The following PLD5 variants were observed in gnomAD, a reference collection of about 807,000 sequenced individuals.
The protein encoded by PLD5 is phospholipase D family member 5.
A neutral mutation model predicts 61.1 loss-of-function variants in PLD5; 36 were observed. The observed-to-expected ratio is 0.59, with a 90% CI of 0.45 to 0.78. The LOEUF (loss-of-function observed/expected upper bound fraction) is 0.78, where lower values mean the gene tolerates loss of function less well. Among genes scored for constraint, PLD5 ranks in the 30% least tolerant of loss-of-function variants. The probability of loss-of-function intolerance (pLI) is 0.00; values close to 1 mark genes in which losing one functional copy is unlikely to be tolerated. For synonymous variants in PLD5, 243 were observed against 242.8 expected (o/e 1.00, Z -0.01); for missense variants, 515 against 644.4 (o/e 0.80, Z 2.17).
intron 5 of PLD5, among the ~76,000 whole-genome samples, chr1:242,129,747 A>G (rs1276189663): frequency 6.6e-6 from 1 of 152,184 alleles, no homozygotes; most frequent in African/African-American, 2.4e-5. Flanking sequence ...CATCACCTGG[A>G]TAGTATACAT....
chr1:242,173,456 G>A (rs566676504), intron 5 of PLD5, among the ~76,000 whole-genome samples: 88 of 152,186 alleles, frequency 5.8e-4, no homozygotes, highest in South Asian at 4.8e-3. Flanking sequence ...AATCAATATC[G>A]TGAAAATGGC....
At chr1:242,512,490 TCA>T (rs1222806898) in intron 1 of PLD5, among the ~76,000 whole-genome samples, 1 of 151,570 alleles carries the variant, frequency 6.6e-6, no homozygotes, top group Non-Finnish European at 1.5e-5. Context: ...CCGTCTCTGA[TCA>T]AGTGCACTCA....
chr1:242,427,827 T>G (rs1411706382), intron 1 of PLD5, among the ~76,000 whole-genome samples: 1 of 152,156 alleles, frequency 6.6e-6, no homozygotes, highest in East Asian at 1.9e-4. Flanking sequence ...ACAGCTGTCT[T>G]TTTCCCCATT....
intron 5 of PLD5, among the ~76,000 whole-genome samples, chr1:242,204,167 C>G (rs907036833): frequency 3.3e-5 from 5 of 151,636 alleles, no homozygotes; most frequent in African/African-American, 1.2e-4. Flanking sequence ...GGCGTGAACC[C>G]AGGAGGCGAA....
chr1:242,170,178 T>C (rs397486), intron 5 of PLD5, among the ~76,000 whole-genome samples: 1 of 151,718 alleles, frequency 6.6e-6, no homozygotes, highest in Admixed American at 6.6e-5. Context: ...CCTCATGCAT[T>C]AGAGCTCCAA....
chr1:242,431,185 T>G (rs532641019), intron 1 of PLD5, among the ~76,000 whole-genome samples: 51 of 152,338 alleles, frequency 3.3e-4, no homozygotes, highest in African/African-American at 1.2e-3. Flanking sequence ...CATTTTGTCA[T>G]GCAAAACTGG....
intron 2 of PLD5, among the ~76,000 whole-genome samples, chr1:242,315,185 A>C (rs1385415759): frequency 2.0e-5 from 3 of 152,170 alleles, no homozygotes; most frequent in Non-Finnish European, 4.4e-5. Context: ...GGCTTTTAAC[A>C]GAGAAAACAA....
chr1:242,490,394 G>C (rs1668106346), intron 1 of PLD5, among the ~76,000 whole-genome samples: 1 of 152,088 alleles, frequency 6.6e-6, no homozygotes, highest in Non-Finnish European at 1.5e-5. Flanking sequence ...TAATTGTATT[G>C]TAATTATGTG....
chr1:242,323,241 G>A (rs112703118), intron 2 of PLD5, among the ~76,000 whole-genome samples: 16 of 152,266 alleles, frequency 1.1e-4, no homozygotes, highest in African/African-American at 3.6e-4. Flanking sequence ...GCTGATATTT[G>A]TATCATAAAA....
chr1:242,395,266 C>G (rs1663504190), intron 1 of PLD5, among the ~76,000 whole-genome samples: 1 of 151,858 alleles, frequency 6.6e-6, no homozygotes, highest in Non-Finnish European at 1.5e-5. Context: ...TGCAACTTGA[C>G]ACTTAGGTAC....
At chr1:242,448,273 T>C (rs961919044) in intron 1 of PLD5, among the ~76,000 whole-genome samples, 1 of 152,160 alleles carries the variant, frequency 6.6e-6, no homozygotes, top group Non-Finnish European at 1.5e-5. Context: ...TTCTCATAGA[T>C]CTGGTTTCCA....
At position 242,339,190 on chromosome 1, in the gene PLD5, C is replaced by A. The variant is rs191186042; in HGVS notation, c.326+8916G>T. ...ATTCTTTAATTTATACTTGTATTTT[C>A]ATGGAAACTATCACCCACTTAAAAA... is the stretch of plus-strand genomic sequence containing the variant. On this transcript the variant is annotated intron_variant, in intron 2 of 9. Transcript: ENST00000536534. Among the ~76,000 whole-genome samples the A allele has an allele frequency of 4.7e-4, 72 of 152,018 alleles. 1 individual carries two copies. The highest frequency in any genetic ancestry group is 1.6e-3 in the African/African-American group (67 of 41,376).
At chr1:242,180,433 G>A (rs1667447271) in intron 5 of PLD5, among the ~76,000 whole-genome samples, 1 of 151,932 alleles carries the variant, frequency 6.6e-6, no homozygotes, top group African/African-American at 2.4e-5. Flanking sequence ...TTCCCTCCCT[G>A]TGGTATCAAT....
chr1:242,256,874 T>TC lies in PLD5; in HGVS notation c.607+8462dup, dbSNP rs1475929033. Reference sequence around the variant, plus strand: ...CTGCCATCTATCTTCCTATCTTCTTTCTTTTCTCTCCCTCTTCTTTCTCTT... The same window carrying TC: ...CTGCCATCTATCTTCCTATCTTCTTTCCTTTTCTCTCCCTCTTCTTTCTCTT... On this transcript the variant is annotated intron_variant, in intron 4 of 9. Coordinates refer to ENST00000536534, the MANE Select transcript of PLD5 (RefSeq NM_001372062.1). The surrounding 1 kb of genome is among the most constrained non-coding windows in gnomAD (Gnocchi z 5.7). 6.6e-6 allele frequency among the ~76,000 whole-genome samples: 1 copy of TC among 151,478 alleles called. No homozygotes were observed. The highest frequency in any genetic ancestry group is 1.5e-5 in the Non-Finnish European group (1 of 67,912).
intron 2 of PLD5, among the ~76,000 whole-genome samples, chr1:242,327,936 GA>G (rs201572013): frequency 0.089 from 13,322 of 149,926 alleles, 749 homozygotes; most frequent in East Asian, 0.24. Flanking sequence ...CTAGTTAGAA[GA>G]AAAAAAAAAT....
chr1:242,158,716 G>C (rs1665588385), intron 5 of PLD5, among the ~76,000 whole-genome samples: 1 of 152,110 alleles, frequency 6.6e-6, no homozygotes, highest in Non-Finnish European at 1.5e-5. Context: ...CCCGCTTTCT[G>C]TGTCAATCTC....
intron 4 of PLD5, among the ~76,000 whole-genome samples, chr1:242,223,260 CA>C (rs1670718455): frequency 6.6e-6 from 1 of 152,190 alleles, no homozygotes; most frequent in Non-Finnish European, 1.5e-5. Flanking sequence ...CCAAATCTCT[CA>C]CCTCCTAATA....
intron 1 of PLD5, among the ~76,000 whole-genome samples, chr1:242,417,197 C>G (rs747769044): frequency 6.6e-6 from 1 of 151,984 alleles, no homozygotes; most frequent in Non-Finnish European, 1.5e-5. Flanking sequence ...TCCAGGCAGA[C>G]GGAAGAACAA....
chr1:242,327,696 C>T (rs1574740178), intron 2 of PLD5, among the ~76,000 whole-genome samples: 1 of 152,186 alleles, frequency 6.6e-6, no homozygotes, highest in Non-Finnish European at 1.5e-5. Context: ...CATCATCTGC[C>T]ATATGAAGTT....
Sources: gnomAD v4.1 joint callset for allele counts (sites outside exome capture counted in the v4.1 genomes callset) on GRCh38, gnomAD v4.1.1 for gene constraint, Gnocchi (gnomAD v3.1) non-coding constraint, MANE v1.5 for transcripts, NCBI Gene and HGNC (gene_info 2026-07-23, HGNC 2026-07-21) for gene names.